ZNF469: variants seen among roughly 807,000 people sequenced by gnomAD.
ZNF469 encodes zinc finger protein 469.
A neutral mutation model predicts 1.0 loss-of-function variants in ZNF469; 1 was observed. The observed-to-expected ratio is 1.00, with a 90% confidence interval of 0.35 to 4.73. The LOEUF (loss-of-function observed/expected upper bound fraction) is 4.73, where lower values mean the gene tolerates loss of function less well. ZNF469 is among the 30% of genes most tolerant of loss of function. The pLI, the probability that ZNF469 is intolerant of heterozygous loss-of-function variation, is 0.16. For synonymous variants in ZNF469, 2,703 were observed against 2,363.4 expected (o/e 1.14, Z -4.17); for missense variants, 6,100 against 5,356.3 (o/e 1.14, Z -4.33).
At chr16:88,254,585 C>G in the ZNF469 span, among the ~76,000 whole-genome samples, 5 of 152,210 alleles carry the variant, frequency 3.3e-5, no homozygotes, top group African/African-American at 1.2e-4. Flanking sequence ...TGATGAAACC[C>G]CGTCTCTACT....
At chr16:88,319,495 G>C in the ZNF469 span, among the ~76,000 whole-genome samples, 4 of 151,636 alleles carry the variant, frequency 2.6e-5, no homozygotes, top group African/African-American at 9.6e-5. Flanking sequence ...GTGAGCACAG[G>C]CCCTGCTGAT....
chr16:88,261,432 C>T, the ZNF469 span, among the ~76,000 whole-genome samples: 3 of 152,120 alleles, frequency 2.0e-5, no homozygotes, highest in Non-Finnish European at 1.5e-5. The surrounding 1 kb of genome is among the most constrained non-coding windows in gnomAD (Gnocchi z 6.0). Flanking sequence ...GTAGGTCATG[C>T]CCCCCGCTGA....
At chr16:88,400,508 C>G (rs1419300385) in intron 1 of ZNF469, among the ~76,000 whole-genome samples, 2 of 152,194 alleles carry the variant, frequency 1.3e-5, no homozygotes, top group Non-Finnish European at 2.9e-5. Flanking sequence ...GCAGTTTGCT[C>G]GTCCCTGCTT....
In ZNF469 at chr16:88,427,719, G is replaced by A. The variant is rs982637529; in HGVS notation, c.249G>A (p.Pro83=). The part of the protein sequence containing the change: ...LKPPSLRGQA[P]SSTPGKRGSP... The stretch of plus-strand genomic sequence containing the variant: ...CCCCATCCCTGAGAGGCCAGGCCCC[G>A]AGCAGCACCCCTGGGAAGAGGGGCA... Residue 83 remains proline, a synonymous_variant, in exon 3 of 3, where the codon CCG becomes CCA. Transcript: ENST00000565624. 1.1e-5 allele frequency: 17 copies of A among 1,535,556 alleles called. No homozygotes were observed. Among genetic ancestry groups the A allele is most frequent in the Middle Eastern group, 1.7e-4 (1 of 5,940 alleles).
the ZNF469 span, among the ~76,000 whole-genome samples, chr16:88,152,333 C>T: frequency 1.3e-5 from 2 of 152,252 alleles, no homozygotes; most frequent in Non-Finnish European, 2.9e-5. The surrounding 1 kb of genome is among the most constrained non-coding windows in gnomAD (Gnocchi z 4.2). Flanking sequence ...TACAGACACG[C>T]TCTGGTTTCC....
At chr16:88,279,934 C>T in the ZNF469 span, among the ~76,000 whole-genome samples, 1 of 150,582 alleles carries the variant, frequency 6.6e-6, no homozygotes, top group Non-Finnish European at 1.5e-5. Context: ...GTGTAGATAT[C>T]AGTGCACGGT....
chr16:88,137,626 G>A, the ZNF469 span, among the ~76,000 whole-genome samples: 4 of 151,916 alleles, frequency 2.6e-5, no homozygotes, highest in Middle Eastern at 3.4e-3. Context: ...ATACCACCAC[G>A]GTGTGTGCAC....
At chr16:88,241,552 A>C in the ZNF469 span, among the ~76,000 whole-genome samples, 1 of 151,946 alleles carries the variant, frequency 6.6e-6, no homozygotes, top group Non-Finnish European at 1.5e-5. The surrounding 1 kb of genome is among the most constrained non-coding windows in gnomAD (Gnocchi z 4.8). Flanking sequence ...AACCAGACAC[A>C]GTGGTTGTCC....
chr16:88,154,952 TG>T, the ZNF469 span, among the ~76,000 whole-genome samples: 2 of 152,160 alleles, frequency 1.3e-5, no homozygotes, highest in African/African-American at 2.4e-5. Context: ...GGGGTGTGGG[TG>T]GCAGGGTTCA....
At chr16:88,328,984 G>A in the ZNF469 span, among the ~76,000 whole-genome samples, 3 of 152,290 alleles carry the variant, frequency 2.0e-5, no homozygotes, top group African/African-American at 2.4e-5. Flanking sequence ...ACGGGGTCCC[G>A]ACGTTCACCC....
At chr16:88,122,188 A>AT in the ZNF469 span, among the ~76,000 whole-genome samples, 1 of 147,140 alleles carries the variant, frequency 6.8e-6, no homozygotes. Flanking sequence ...CTCGGATTGC[A>AT]TCCCGTCACT....
the ZNF469 span, among the ~76,000 whole-genome samples, chr16:88,334,637 T>C: frequency 6.6e-6 from 1 of 152,232 alleles, no homozygotes; most frequent in African/African-American, 2.4e-5. Context: ...AGCCGATGAC[T>C]GTGGCCTTAT....
At chr16:88,111,760 C>T in the ZNF469 span, among the ~76,000 whole-genome samples, 2 of 152,130 alleles carry the variant, frequency 1.3e-5, no homozygotes, top group South Asian at 4.1e-4. Flanking sequence ...CTTCAGCCTC[C>T]TGTGTAGCTG....
At chr16:88,386,229 C>A (rs532502119) in intron 1 of ZNF469, among the ~76,000 whole-genome samples, 1 of 152,218 alleles carries the variant, frequency 6.6e-6, no homozygotes, top group African/African-American at 2.4e-5. Context: ...GTGACCAGCC[C>A]GTCCTCCTGC....
the ZNF469 span, among the ~76,000 whole-genome samples, chr16:88,239,667 GTATATATATATATATATATATATA>G: frequency 3.2e-3 from 90 of 28,212 alleles, 14 homozygotes; most frequent in African/African-American, 8.7e-3. Flanking sequence ...TTTTTTTTTT[GTATATATATATATATATATATATA>G]TATATATATA....
At chr16:88,344,120 C>T in the ZNF469 span, among the ~76,000 whole-genome samples, 15 of 152,012 alleles carry the variant, frequency 9.9e-5, no homozygotes, top group African/African-American at 2.9e-4. Context: ...AACACCTGAG[C>T]GGTCCTCACA....
chr16:88,403,065 TG>T (rs1904929276), intron 1 of ZNF469, among the ~76,000 whole-genome samples: 1 of 152,144 alleles, frequency 6.6e-6, no homozygotes, highest in South Asian at 2.1e-4. Flanking sequence ...TTTAACTTTA[TG>T]GGGCCCAGAA....
chr16:88,359,593 G>A, the ZNF469 span, among the ~76,000 whole-genome samples: 4 of 152,166 alleles, frequency 2.6e-5, no homozygotes, highest in Admixed American at 1.3e-4. Flanking sequence ...GTGTCTGCTC[G>A]AGTTTCAGTC....
At chr16:88,339,961 G>A in the ZNF469 span, among the ~76,000 whole-genome samples, 7 of 152,064 alleles carry the variant, frequency 4.6e-5, no homozygotes, top group South Asian at 4.1e-4. Flanking sequence ...AGAGGGGAGC[G>A]AGTGGGCGGG....
Sources: allele counts gnomAD v4.1 joint callset (sites outside exome capture counted in the v4.1 genomes callset), GRCh38; gene constraint gnomAD v4.1.1; non-coding constraint Gnocchi (gnomAD v3.1); transcripts MANE v1.5; gene names NCBI Gene and HGNC (gene_info 2026-07-23, HGNC 2026-07-21).